GSAP: variants seen among roughly 807,000 people sequenced by gnomAD.
The protein encoded by GSAP is gamma-secretase-activating protein.
GSAP carries 118 observed loss-of-function variants against 131.7 expected under a neutral mutation model. That is an observed-to-expected ratio of 0.90 (90% confidence interval 0.77 to 1.04). The LOEUF (loss-of-function observed/expected upper bound fraction) is 1.04. GSAP is among the 50% of genes least tolerant of loss of function. GSAP has a pLI of 0.00. For synonymous variants in GSAP, 381 were observed against 363.4 expected (o/e 1.05, Z -0.55); for missense variants, 1,019 against 1,013.2 (o/e 1.01, Z -0.08).
chr7:77,338,927 C>A (rs188302393), intron 19 of GSAP, among the ~76,000 whole-genome samples: 155 of 152,174 alleles, frequency 1.0e-3, no homozygotes, highest in Non-Finnish European at 1.7e-3. Flanking sequence ...ACACACACAC[C>A]CCCGCCCCTC....
chr7:77,331,287 C>T (rs964765789), intron 19 of GSAP, among the ~76,000 whole-genome samples: 4 of 152,106 alleles, frequency 2.6e-5, no homozygotes, highest in Middle Eastern at 3.4e-3. Flanking sequence ...GGTGACAGAG[C>T]GAGACTCCGT....
chr7:77,317,882 C>G (rs565394663), intron 26 of GSAP, among the ~76,000 whole-genome samples: 43 of 152,314 alleles, frequency 2.8e-4, no homozygotes, highest in African/African-American at 9.4e-4. Context: ...CCTCATAACT[C>G]ATATTCCATT....
chr7:77,378,894 GA>G (rs1357289586), intron 8 of GSAP, among the ~76,000 whole-genome samples: 1 of 152,066 alleles, frequency 6.6e-6, no homozygotes, highest in African/African-American at 2.4e-5. Context: ...AAGAAATGAG[GA>G]AAAAAGGAAA....
intron 3 of GSAP, 115 bp downstream of exon 3, chr7:77,404,444 T>A (rs1183587029): frequency 1.7e-5 from 12 of 691,716 alleles, no homozygotes; most frequent in South Asian, 1.7e-4. Flanking sequence ...TTTTTTCAAA[T>A]AAAATGTTTA....
In GSAP at chr7:77,376,861, C is replaced by T; in HGVS notation, c.728G>A (p.Ser243Asn). 6.8e-7 allele frequency: 1 copy of T among 1,464,208 alleles called. No individual in the cohort carries two copies. The highest frequency in any genetic ancestry group is 9.4e-7 in the Non-Finnish European group (1 of 1,063,416). The allele number at this position is 1,464,208 out of a possible 1,614,324, so 90.7% of individuals were successfully genotyped here. A position where few individuals can be genotyped will look rare whatever the true frequency, so the allele number is the denominator to read the frequency against. Residue 243 changes from serine (S) to asparagine (N), a missense_variant, in exon 10 of 31, where the codon AGC becomes AAC. Transcript: ENST00000257626. ...TTCTGGACTTACCATTAAGTTATAG[C>T]TCTCATCAGCATAAAACTGGATACA... Reference protein sequence around the residue: ...LKCIQFYADESYNLMFEVPLD... With the variant: ...LKCIQFYADENYNLMFEVPLD...
At chr7:77,398,082 T>C (rs1374054434) in intron 3 of GSAP, among the ~76,000 whole-genome samples, 1 of 152,142 alleles carries the variant, frequency 6.6e-6, no homozygotes, top group Non-Finnish European at 1.5e-5. Flanking sequence ...GAGGATGTGA[T>C]GTAGAGATTG....
chr7:77,410,344 T>A (rs1803047956), intron 1 of GSAP, among the ~76,000 whole-genome samples: 1 of 152,162 alleles, frequency 6.6e-6, no homozygotes, highest in Non-Finnish European at 1.5e-5. Context: ...CGGCTCTTCC[T>A]CCCTGGACGA....
At chr7:77,330,542 G>C in intron 19 of GSAP, 175 bp from the exon 20 acceptor site, 11 of 1,090,474 alleles carry the variant, frequency 1.0e-5, no homozygotes, top group East Asian at 8.8e-5. Context: ...TAGACTTAAA[G>C]AATCTTCTTT....
rs142805657 is a variant in GSAP at position 77,399,711 on chromosome 7, G to A, written c.244-2296C>T. On this transcript the variant is annotated intron_variant, in intron 3 of 30. Transcript: ENST00000257626. ...TAACTCAAAACTTGAGGTGGGGGGG[G>A]GCGGGGCAAAGTGAAGTCAACCCAC... Among the ~76,000 whole-genome samples, 741 of 151,822 alleles carry A rather than the reference G, an allele frequency of 4.9e-3. 5 individuals are homozygous for A. Among genetic ancestry groups the A allele is most frequent in the African/African-American group, 0.017 (701 of 41,460 alleles).
At chr7:77,386,625 T>C (rs145930198) in intron 6 of GSAP, among the ~76,000 whole-genome samples, 83 of 152,342 alleles carry the variant, frequency 5.4e-4, no homozygotes, top group Non-Finnish European at 1.0e-3. Context: ...GACAGCCTTC[T>C]TGCACTTAGG....
chr7:77,346,611 G>A (rs2150801722), intron 19 of GSAP, among the ~76,000 whole-genome samples: 1 of 151,806 alleles, frequency 6.6e-6, no homozygotes, highest in South Asian at 2.1e-4. Flanking sequence ...TCAGGAGGCT[G>A]AAGCAAGAGG....
intron 12 of GSAP, among the ~76,000 whole-genome samples, chr7:77,367,835 C>T (rs1795542179): frequency 6.6e-6 from 1 of 152,054 alleles, no homozygotes; most frequent in Non-Finnish European, 1.5e-5. Context: ...AGATCCTGAG[C>T]TTTTTTCGGT....
Position 77,378,062 on chromosome 7 carries a change from C to A in GSAP, c.577-672G>T, listed in dbSNP as rs1208504527. ...ATGGTGCATTGGCATGCTGCTTTGA[C>A]AATTACATTTTAATTAATGCTATAA... On this transcript the variant is annotated intron_variant, in intron 8 of 30. Transcript: ENST00000257626. Among the ~76,000 whole-genome samples, 8 of 152,228 alleles carry A rather than the reference C, an allele frequency of 5.3e-5. No individual in the cohort carries two copies. In the East Asian group the frequency reaches 1.5e-3, roughly 29 times the overall value.
Position 77,404,598 on chromosome 7 carries a change from G to A in GSAP, c.204C>T (p.Val68=), listed in dbSNP as rs535028141. The A allele has an allele frequency of 8.0e-5, 124 of 1,549,956 alleles. No homozygotes were observed. The South Asian group carries it at 1.1e-3, about 13-fold the overall frequency. Residue 68 remains valine, a synonymous_variant, in exon 3 of 31, where the codon GTC becomes GTT. Coordinates refer to ENST00000257626, the MANE Select transcript of GSAP (RefSeq NM_017439.4). ...IYTYKDDKGN[V]VFGLYDCQTR... is the part of the protein sequence containing the mutation. ...TTTGACAATCATATAATCCAAAGAC[G>A]ACATTTCCCTTATCATCCTAAAAAA...
Position 77,392,912 on chromosome 7 carries a change from G to A in GSAP, c.367+4070C>T, listed in dbSNP as rs189784611. 1.7e-4 allele frequency among the ~76,000 whole-genome samples: 26 copies of A among 152,226 alleles called. No individual in the cohort carries two copies. In the East Asian group the frequency reaches 4.6e-3, roughly 27 times the overall value. On this transcript the variant is annotated intron_variant, in intron 5 of 30. Transcript: ENST00000257626. ...GACCCATATGGTCACCCCAATTGCT[G>A]CCCAGTGGAAATCTGCTGTGACTTG...
intron 3 of GSAP, among the ~76,000 whole-genome samples, chr7:77,402,409 A>ATATAT (rs200688975): frequency 2.3e-5 from 3 of 132,664 alleles, no homozygotes; most frequent in African/African-American, 8.4e-5. Flanking sequence ...AAAGAAAAAA[A>ATATAT]AAATATATAT....
chr7:77,342,161 G>A (rs56328592), intron 19 of GSAP, among the ~76,000 whole-genome samples: 30,605 of 152,074 alleles, frequency 0.2, 3,795 homozygotes, highest in East Asian at 0.39. Context: ...TTGGCTTAGC[G>A]GCTGAAGACT....
At chr7:77,389,409 G>T (rs369418650) in intron 5 of GSAP, among the ~76,000 whole-genome samples, 84 of 151,218 alleles carry the variant, frequency 5.6e-4, no homozygotes, top group African/African-American at 1.9e-3. Context: ...TTAGCATTAG[G>T]TATATCTCCC....
At chr7:77,411,835 G>A (rs891786996) in intron 1 of GSAP, among the ~76,000 whole-genome samples, 7 of 152,156 alleles carry the variant, frequency 4.6e-5, no homozygotes, top group Admixed American at 4.6e-4. Context: ...ACTAAGGTGA[G>A]GGGACTTACC....
Sources: allele counts gnomAD v4.1 joint callset (sites outside exome capture counted in the v4.1 genomes callset), GRCh38; gene constraint gnomAD v4.1.1; transcripts MANE v1.5; gene names NCBI Gene and HGNC (gene_info 2026-07-23, HGNC 2026-07-21).